INPP4B: variants seen among roughly 807,000 people sequenced by gnomAD.
The protein encoded by INPP4B is inositol polyphosphate-4-phosphatase type II B.
INPP4B carries 55 observed loss-of-function variants against 122.5 expected under a neutral mutation model. The observed-to-expected ratio is 0.45, with a 90% confidence interval of 0.36 to 0.56. INPP4B has a LOEUF of 0.56. Ranked by LOEUF, INPP4B falls within the 20% of genes least tolerant of loss-of-function variation. INPP4B has a pLI of 0.00. For synonymous variants in INPP4B, 403 were observed against 388.7 expected, an observed-to-expected ratio of 1.04 and a Z score of -0.43; for missense variants, 1,000 against 1,097.7, an observed-to-expected ratio of 0.91 and a Z score of 1.26.
chr4:142,345,777 G>A (rs550217115), intron 7 of INPP4B, among the ~76,000 whole-genome samples: 1 of 152,084 alleles, frequency 6.6e-6, no homozygotes, highest in African/African-American at 2.4e-5. Flanking sequence ...AAAAGGACCA[G>A]AATAATAAAA....
intron 2 of INPP4B, among the ~76,000 whole-genome samples, chr4:142,570,149 T>C (rs1052758648): frequency 1.3e-5 from 2 of 152,078 alleles, no homozygotes; most frequent in Non-Finnish European, 2.9e-5. Flanking sequence ...CCAACAGAAA[T>C]AAACTAACAT....
At chr4:142,433,955 A>G (rs1809877185) in intron 3 of INPP4B, among the ~76,000 whole-genome samples, 1 of 152,230 alleles carries the variant, frequency 6.6e-6, no homozygotes. Flanking sequence ...TAAAAAGTAC[A>G]GAAGATGAAA....
At position 142,350,465 on chromosome 4, in the gene INPP4B, A is replaced by G. The variant is rs76307309; in HGVS notation, c.373-35703T>C. ...CATCAGTTTTCCTTACACACCACCAATACTAATGTAATTCAAATTCTCACC... is the reference window on the plus strand; with the variant it reads ...CATCAGTTTTCCTTACACACCACCAGTACTAATGTAATTCAAATTCTCACC... On this transcript the variant is annotated intron_variant, in intron 7 of 25. Coordinates refer to ENST00000262992, the MANE Select transcript of INPP4B (RefSeq NM_001101669.3). Among the ~76,000 whole-genome samples, 1,499 of 152,072 alleles carry G rather than the reference A, an allele frequency of 9.9e-3. 24 individuals carry two copies. The highest frequency in any genetic ancestry group is 0.035 in the African/African-American group (1,440 of 41,518).
chr4:142,822,722 C>A (rs1019561316), intron 1 of INPP4B, among the ~76,000 whole-genome samples: 2 of 152,084 alleles, frequency 1.3e-5, no homozygotes, highest in Non-Finnish European at 2.9e-5. Context: ...AATATATTGC[C>A]TTCTGTTACA....
At position 142,148,361 on chromosome 4, in the gene INPP4B, T is replaced by G. The variant is rs3775661; in HGVS notation, c.1564-2365A>C. On this transcript the variant is annotated intron_variant, in intron 17 of 25. Coordinates refer to ENST00000262992, the MANE Select transcript of INPP4B (RefSeq NM_001101669.3). ...TCCCAAGTAGCTGGGACCACAGGCA[T>G]GCCCACCACGCCTAACTAATTTTTG... Among the ~76,000 whole-genome samples the G allele has an allele frequency of 9.0e-3, 1,362 of 152,046 alleles. 30 individuals are homozygous for G. The highest frequency in any genetic ancestry group is 0.081 in the East Asian group (416 of 5,138).
chr4:142,503,395 G>T (rs1050135371), intron 2 of INPP4B, among the ~76,000 whole-genome samples: 1 of 152,032 alleles, frequency 6.6e-6, no homozygotes, highest in Non-Finnish European at 1.5e-5. Context: ...ACTTTAAAAT[G>T]AGAAAAATAT....
chr4:142,561,755 A>G (rs1289970775), intron 2 of INPP4B, among the ~76,000 whole-genome samples: 7 of 152,182 alleles, frequency 4.6e-5, no homozygotes, highest in African/African-American at 1.7e-4. Flanking sequence ...TTGTGAATGG[A>G]GAAAGAAATA....
chr4:142,168,063 A>C (rs1022748049), intron 16 of INPP4B, among the ~76,000 whole-genome samples: 2 of 151,200 alleles, frequency 1.3e-5, no homozygotes, highest in Non-Finnish European at 3.0e-5. Context: ...TTGTTGGTGA[A>C]CGTCAGAGAA....
At chr4:142,344,232 C>T (rs2151730867) in intron 7 of INPP4B, among the ~76,000 whole-genome samples, 1 of 152,174 alleles carries the variant, frequency 6.6e-6, no homozygotes, top group South Asian at 2.1e-4. Context: ...GAGCATTAGT[C>T]TCCTTAGAAG....
chr4:142,673,391 C>T (rs1757272403), intron 2 of INPP4B, among the ~76,000 whole-genome samples: 1 of 151,180 alleles, frequency 6.6e-6, no homozygotes, highest in South Asian at 2.1e-4. Context: ...TCACTCTTGG[C>T]TCTTCATGCC....
intron 3 of INPP4B, among the ~76,000 whole-genome samples, chr4:142,439,913 C>T (rs1041110233): frequency 3.3e-5 from 5 of 152,180 alleles, no homozygotes. Flanking sequence ...ACTTCTCTTT[C>T]TTCAGCTGAA....
At chr4:142,600,236 A>G (rs1052234535) in intron 2 of INPP4B, among the ~76,000 whole-genome samples, 4 of 152,144 alleles carry the variant, frequency 2.6e-5, no homozygotes, top group African/African-American at 4.8e-5. Context: ...TCTAAAATCA[A>G]TGATAGGCAC....
In INPP4B at chr4:142,208,544, A is replaced by T. The variant is rs373512909; in HGVS notation, c.968-15T>A. ...GAAAGAGGACCCTGATGGAAACCAG[A>T]AATTAAACATTATTAGTAAATAATG... On this transcript the variant is annotated splice_polypyrimidine_tract_variant and intron_variant, in intron 13 of 25. Coordinates refer to ENST00000262992, the MANE Select transcript of INPP4B (RefSeq NM_001101669.3). The T allele has an allele frequency of 3.0e-6, 4 of 1,343,296 alleles. No individual in the cohort carries two copies. The highest frequency in any genetic ancestry group is 3.6e-4 in the Middle Eastern group (2 of 5,486). 83.2% of individuals were successfully genotyped at this position (1,343,296 alleles called of 1,614,324 possible).
At position 142,119,916 on chromosome 4, in the gene INPP4B, A is replaced by T. The variant is rs1795825448; in HGVS notation, c.2135+2212T>A. On this transcript the variant is annotated intron_variant, in intron 21 of 25. Coordinates refer to ENST00000262992, the MANE Select transcript of INPP4B (RefSeq NM_001101669.3). ...TACGTGTGTATATATATGTATATAT[A>T]TAGAACTCATTACCTAAACCCAACT... Among the ~76,000 whole-genome samples, 3 of 151,058 alleles carry T rather than the reference A, an allele frequency of 2.0e-5. No individual in the cohort carries two copies. The South Asian group carries it at 6.2e-4, about 31-fold the overall frequency.
chr4:142,172,357 T>C (rs1050414557), intron 16 of INPP4B, among the ~76,000 whole-genome samples: 4 of 151,928 alleles, frequency 2.6e-5, no homozygotes, highest in Non-Finnish European at 5.9e-5. Flanking sequence ...GAAATGAAGA[T>C]AATATGTTCT....
intron 2 of INPP4B, among the ~76,000 whole-genome samples, chr4:142,509,182 G>A (rs575736056): frequency 9.2e-5 from 14 of 152,286 alleles, no homozygotes; most frequent in Admixed American, 2.6e-4. Context: ...TGCTGACACC[G>A]TGCGGGTTCT....
chr4:142,558,648 T>C (rs999956453), intron 2 of INPP4B, among the ~76,000 whole-genome samples: 1 of 125,244 alleles, frequency 8.0e-6, no homozygotes, highest in Admixed American at 8.7e-5. Flanking sequence ...TATAATTCAG[T>C]GGGTGTTGGG....
At chr4:142,378,130 G>T (rs1337219509) in intron 7 of INPP4B, among the ~76,000 whole-genome samples, 1 of 152,100 alleles carries the variant, frequency 6.6e-6, no homozygotes, top group African/African-American at 2.4e-5. Context: ...GACAGAGCAG[G>T]TGCTGAAGTC....
At chr4:142,661,820 AT>A (rs962357098) in intron 2 of INPP4B, among the ~76,000 whole-genome samples, 7 of 152,226 alleles carry the variant, frequency 4.6e-5, no homozygotes, top group Non-Finnish European at 1.0e-4. Context: ...GAGACAGTCC[AT>A]CTGAAGCTAG....
Sources: allele counts gnomAD v4.1 joint callset (sites outside exome capture counted in the v4.1 genomes callset), GRCh38; gene constraint gnomAD v4.1.1; transcripts MANE v1.5; gene names NCBI Gene and HGNC (gene_info 2026-07-23, HGNC 2026-07-21).